TACR3: variants seen among roughly 807,000 people sequenced by gnomAD.
TACR3 encodes the protein tachykinin receptor 3, also known as neuromedin-K receptor.
TACR3 carries 34 observed loss-of-function variants against 35.0 expected under a neutral mutation model. The observed-to-expected ratio is 0.97, with a 90% CI of 0.74 to 1.30. TACR3 has a LOEUF of 1.30. TACR3 is among the 50% of genes most tolerant of loss of function. The probability of loss-of-function intolerance (pLI) is 0.00; values close to 1 mark genes in which losing one functional copy is unlikely to be tolerated. For missense variants in TACR3, 558 were observed against 591.7 expected (o/e 0.94, Z 0.59); for synonymous variants, 233 against 221.1 (o/e 1.05, Z -0.48).
chr4:103,697,487 C>T (rs1722546849), intron 1 of TACR3, among the ~76,000 whole-genome samples: 1 of 151,774 alleles, frequency 6.6e-6, no homozygotes, highest in South Asian at 2.1e-4. Flanking sequence ...TGCAGTGGCG[C>T]CATCTCGGTT....
intron 2 of TACR3, 66 bp from the exon 3 acceptor site, chr4:103,656,410 G>T: frequency 6.7e-7 from 1 of 1,502,496 alleles, no homozygotes. Flanking sequence ...GACTGAATTG[G>T]CTCAGCTTTA....
chr4:103,668,518 A>C (rs1182038041), intron 1 of TACR3, among the ~76,000 whole-genome samples: 2 of 152,040 alleles, frequency 1.3e-5, no homozygotes, highest in African/African-American at 2.4e-5. Context: ...TTACTTTTTA[A>C]ATTTTATTTC....
At chr4:103,613,954 C>G (rs1254247145) in intron 3 of TACR3, among the ~76,000 whole-genome samples, 2 of 152,106 alleles carry the variant, frequency 1.3e-5, no homozygotes, top group Admixed American at 6.5e-5. Context: ...GGCATCTCCT[C>G]TTATAGGGAT....
At chr4:103,703,356 A>G (rs1400619367) in intron 1 of TACR3, among the ~76,000 whole-genome samples, 3 of 152,206 alleles carry the variant, frequency 2.0e-5, no homozygotes, top group Non-Finnish European at 4.4e-5. Context: ...ATTATTTGAC[A>G]TTATTTGGTT....
At chr4:103,701,687 G>T (rs893519804) in intron 1 of TACR3, among the ~76,000 whole-genome samples, 1 of 152,064 alleles carries the variant, frequency 6.6e-6, no homozygotes, top group African/African-American at 2.4e-5. Context: ...GCATGGTACT[G>T]GTACCAAAAC....
chr4:103,714,989 G>C (rs1723056868), intron 1 of TACR3, among the ~76,000 whole-genome samples: 1 of 152,068 alleles, frequency 6.6e-6, no homozygotes, highest in African/African-American at 2.4e-5. Context: ...AAACAACAAA[G>C]GGTAGCATAG....
intron 3 of TACR3, among the ~76,000 whole-genome samples, chr4:103,655,625 A>G (rs952017636): frequency 1.4e-5 from 2 of 144,544 alleles, no homozygotes; most frequent in African/African-American, 5.8e-5. Flanking sequence ...ATGTCACTCA[A>G]TAAATTATAG....
Position 103,586,225 on chromosome 4 carries a change from A to ATATATATG in TACR3, c.*3456_*3457insCATATATA, listed in dbSNP as rs1368094941. The ATATATATG allele has an allele frequency of 6.6e-6, 1 of 151,830 alleles. No individual in the cohort carries two copies. Among genetic ancestry groups the ATATATATG allele is most frequent in the African/African-American group, 2.4e-5 (1 of 41,348 alleles). The allele number at this position is 151,830 out of a possible 1,614,324, so 9.4% of individuals were successfully genotyped here. Reference sequence around the variant, plus strand: ...AAACAGATTTTTCATATATATATATATATGTATGAAAACACAAAACTAATG... The same window carrying ATATATATG: ...AAACAGATTTTTCATATATATATATATATATATGTATGTATGAAAACACAAAACTAATG... On this transcript the variant is annotated 3_prime_UTR_variant, in exon 5 of 5. Coordinates refer to ENST00000304883, the MANE Select transcript of TACR3 (RefSeq NM_001059.3).
intron 1 of TACR3, among the ~76,000 whole-genome samples, chr4:103,676,516 G>T (rs1196921256): frequency 6.6e-6 from 1 of 152,148 alleles, no homozygotes; most frequent in East Asian, 1.9e-4. Flanking sequence ...AACAAATATA[G>T]TGTGTTAAAA....
intron 3 of TACR3, among the ~76,000 whole-genome samples, chr4:103,631,240 T>A (rs901066732): frequency 6.6e-6 from 1 of 152,148 alleles, no homozygotes; most frequent in South Asian, 2.1e-4. Context: ...GACGAGTTGA[T>A]GAGTGCAGCA....
At chr4:103,602,243 C>G (rs551314407) in intron 3 of TACR3, among the ~76,000 whole-genome samples, 1 of 152,276 alleles carries the variant, frequency 6.6e-6, no homozygotes, top group South Asian at 2.1e-4. Flanking sequence ...CCATCATGTC[C>G]TTTAAGGACT....
chr4:103,719,763 T>C lies in TACR3; in HGVS notation c.-88A>G, dbSNP rs903786976. On this transcript the variant is annotated 5_prime_UTR_variant, in exon 1 of 5. Coordinates refer to ENST00000304883, the MANE Select transcript of TACR3 (RefSeq NM_001059.3). The stretch of plus-strand genomic sequence containing the variant: ...TCTGAAGTTCTTCTCTGCCTCCTGG[T>C]CACTTTGGTGCCGGAGTCTTCAGAT... 6.5e-7 allele frequency: 1 copy of C among 1,534,298 alleles called. No individual in the cohort carries two copies. The highest frequency in any genetic ancestry group is 8.8e-7 in the Non-Finnish European group (1 of 1,130,750).
intron 4 of TACR3, 138 bp from the exon 5 acceptor site, chr4:103,590,132 T>A: frequency 1.0e-6 from 1 of 999,968 alleles, no homozygotes. Flanking sequence ...CTCTTAGAAT[T>A]TATGTCACAG....
chr4:103,629,862 A>AAAAAAAAAAAC (rs1725011576), intron 3 of TACR3, among the ~76,000 whole-genome samples: 19 of 111,566 alleles, frequency 1.7e-4, no homozygotes, highest in East Asian at 2.2e-4. Flanking sequence ...AAAAAAAAAC[A>AAAAAAAAAAAC]AAAAAAAAAC....
intron 3 of TACR3, among the ~76,000 whole-genome samples, chr4:103,597,778 G>A (rs568310720): frequency 3.2e-4 from 49 of 152,298 alleles, no homozygotes; most frequent in Non-Finnish European, 2.5e-4. Context: ...CAAAGGACAT[G>A]AACTCATCAT....
intron 1 of TACR3, among the ~76,000 whole-genome samples, chr4:103,668,774 G>A (rs764054725): frequency 6.6e-6 from 1 of 151,706 alleles, no homozygotes; most frequent in South Asian, 2.1e-4. Context: ...GCTTGAACTC[G>A]GGAAGTGGAG....
chr4:103,676,385 A>G (rs1726170592), intron 1 of TACR3, among the ~76,000 whole-genome samples: 1 of 152,230 alleles, frequency 6.6e-6, no homozygotes, highest in South Asian at 2.1e-4. Flanking sequence ...ATATTCAAAG[A>G]GCTAGATAAT....
At chr4:103,621,112 G>A (rs573270437) in intron 3 of TACR3, among the ~76,000 whole-genome samples, 1 of 152,310 alleles carries the variant, frequency 6.6e-6, no homozygotes, top group Admixed American at 6.5e-5. Context: ...ATGTGGTATT[G>A]TGGAAGCTCA....
intron 3 of TACR3, among the ~76,000 whole-genome samples, chr4:103,643,951 T>C (rs1255398126): frequency 2.0e-5 from 3 of 151,798 alleles, no homozygotes; most frequent in Non-Finnish European, 4.4e-5. Flanking sequence ...AGGCTTTAGA[T>C]ATTTCCTCCT....
Sources: allele counts gnomAD v4.1 joint callset (sites outside exome capture counted in the v4.1 genomes callset), GRCh38; gene constraint gnomAD v4.1.1; transcripts MANE v1.5; gene names NCBI Gene and HGNC (gene_info 2026-07-23, HGNC 2026-07-21).